The following DDX10 variants were observed in gnomAD, a reference collection of about 807,000 sequenced individuals.
DDX10 encodes probable ATP-dependent RNA helicase DDX10.
A neutral mutation model predicts 104.3 loss-of-function variants in DDX10; 74 were observed. The observed-to-expected ratio is 0.71, with a 90% confidence interval of 0.59 to 0.86. DDX10 has a LOEUF of 0.86. Ranked by LOEUF, DDX10 falls within the 40% of genes least tolerant of loss-of-function variation. The probability of loss-of-function intolerance (pLI) is 0.00; values close to 1 mark genes in which losing one functional copy is unlikely to be tolerated. For missense variants in DDX10, 952 were observed against 1,040.0 expected (o/e 0.92, Z 1.16); for synonymous variants, 351 against 353.4 (o/e 0.99, Z 0.08).
At chr11:108,921,919 C>G (rs1591126759) in intron 17 of DDX10, 1 of 151,468 alleles carries the variant, frequency 6.6e-6, no homozygotes, top group Non-Finnish European at 1.5e-5. Flanking sequence ...GATCGTGCCA[C>G]TGCACTCCAG....
rs549060006 is a variant in DDX10, at chr11:108,762,158, T to C, written c.1965+38696T>C. Among the ~76,000 whole-genome samples the C allele has an allele frequency of 2.0e-5, 3 of 152,292 alleles. No homozygotes were observed. In the East Asian group the frequency reaches 5.8e-4, roughly 29 times the overall value. ...GATGCCTTGGGGTATTTTTATTCTT[T>C]ATGGTTTGATATGATTCCCTTGTTA... On this transcript the variant is annotated intron_variant, in intron 13 of 17. Coordinates refer to ENST00000322536, the MANE Select transcript of DDX10 (RefSeq NM_004398.4).
rs749952754 is a variant in DDX10, at chr11:108,838,441, C to T, written c.1966-5C>T. On this transcript the variant is annotated splice_polypyrimidine_tract_variant and splice_region_variant and intron_variant, in intron 13 of 17. Coordinates refer to ENST00000322536, the MANE Select transcript of DDX10 (RefSeq NM_004398.4). ...CATCTGTGTTTTTTGTATGTTCTCA[C>T]ACAGAAGAAAGAACCTTCTAAATCC... 3.7e-6 allele frequency: 6 copies of T among 1,606,690 alleles called. No homozygotes were observed. The African/African-American group carries it at 5.4e-5, about 14-fold the overall frequency.
At chr11:108,840,931 A>G (rs1020016496) in intron 14 of DDX10, among the ~76,000 whole-genome samples, 1 of 152,200 alleles carries the variant, frequency 6.6e-6, no homozygotes, top group African/African-American at 2.4e-5. Flanking sequence ...ATGGAAGCCC[A>G]AAGGAGGTAC....
intron 13 of DDX10, among the ~76,000 whole-genome samples, chr11:108,793,935 T>C (rs1239935062): frequency 6.6e-6 from 1 of 152,166 alleles, no homozygotes; most frequent in Non-Finnish European, 1.5e-5. Context: ...ATATTTGTCT[T>C]TCTGTGCCTA....
intron 13 of DDX10, among the ~76,000 whole-genome samples, chr11:108,797,990 G>A (rs922945609): frequency 5.9e-5 from 9 of 152,234 alleles, no homozygotes; most frequent in Middle Eastern, 3.4e-3. Flanking sequence ...TCTCCTCTTC[G>A]AACTCAAACT....
At chr11:108,718,450 A>T (rs192308411) in intron 11 of DDX10, among the ~76,000 whole-genome samples, 19 of 152,306 alleles carry the variant, frequency 1.2e-4, no homozygotes, top group Non-Finnish European at 2.6e-4. Flanking sequence ...ACATCCTTCA[A>T]ACTTGCAGTT....
chr11:108,845,983 C>A (rs146622843), intron 15 of DDX10, among the ~76,000 whole-genome samples: 12 of 152,180 alleles, frequency 7.9e-5, no homozygotes, highest in Non-Finnish European at 1.3e-4. Context: ...CATACTATTA[C>A]ACCTGTCTTT....
intron 13 of DDX10, among the ~76,000 whole-genome samples, chr11:108,751,904 A>C (rs1299607803): frequency 6.6e-6 from 1 of 152,188 alleles, no homozygotes; most frequent in Non-Finnish European, 1.5e-5. Context: ...GGAAGGCTTT[A>C]AAGAGGTTAA....
intron 13 of DDX10, among the ~76,000 whole-genome samples, chr11:108,743,054 C>A (rs1180748004): frequency 2.0e-5 from 3 of 152,008 alleles, no homozygotes; most frequent in Non-Finnish European, 2.9e-5. Context: ...ATCCTGATAC[C>A]AAAAGCTGGT....
intron 17 of DDX10, among the ~76,000 whole-genome samples, chr11:108,928,281 C>T (rs1863933683): frequency 6.6e-6 from 1 of 152,184 alleles, no homozygotes; most frequent in Non-Finnish European, 1.5e-5. Flanking sequence ...GAATCAGTCT[C>T]TCTCCTTATG....
intron 12 of DDX10, 102 bp downstream of exon 12, chr11:108,719,987 C>G: frequency 2.6e-6 from 2 of 762,298 alleles, no homozygotes; most frequent in South Asian, 1.5e-5. Context: ...CAGGCTGTCT[C>G]AAACCCCTGT....
At chr11:108,797,138 A>G (rs1332791094) in intron 13 of DDX10, among the ~76,000 whole-genome samples, 3 of 151,894 alleles carry the variant, frequency 2.0e-5, no homozygotes, top group Non-Finnish European at 4.4e-5. Flanking sequence ...GGTTGAAGCA[A>G]TTCTCCTGCC....
At chr11:108,909,289 G>A (rs1863636516) in intron 16 of DDX10, among the ~76,000 whole-genome samples, 1 of 152,162 alleles carries the variant, frequency 6.6e-6, no homozygotes, top group Non-Finnish European at 1.5e-5. Flanking sequence ...TCATATGCTG[G>A]GACGGTGGCC....
At chr11:108,757,303 A>G (rs2094345633) in intron 13 of DDX10, among the ~76,000 whole-genome samples, 1 of 152,034 alleles carries the variant, frequency 6.6e-6, no homozygotes, top group Non-Finnish European at 1.5e-5. Flanking sequence ...ACTTTTGTGT[A>G]TCTGTCTGTG....
At chr11:108,752,647 A>G (rs570823224) in intron 13 of DDX10, among the ~76,000 whole-genome samples, 1 of 152,244 alleles carries the variant, frequency 6.6e-6, no homozygotes, top group South Asian at 2.1e-4. Context: ...AGATTGCCAC[A>G]TGCCATGTGG....
chr11:108,814,126 A>G (rs1862223520), intron 13 of DDX10, among the ~76,000 whole-genome samples: 1 of 152,076 alleles, frequency 6.6e-6, no homozygotes, highest in African/African-American at 2.4e-5. Flanking sequence ...CCAAAGCTTT[A>G]TTAGGAAGTA....
chr11:108,859,313 G>A (rs920352600), intron 16 of DDX10, among the ~76,000 whole-genome samples: 6 of 152,188 alleles, frequency 3.9e-5, no homozygotes, highest in Non-Finnish European at 8.8e-5. Context: ...GTCAGAATGT[G>A]TTTATTCTAA....
chr11:108,881,353 A>G (rs1229510270), intron 16 of DDX10, among the ~76,000 whole-genome samples: 1 of 152,224 alleles, frequency 6.6e-6, no homozygotes, highest in Non-Finnish European at 1.5e-5. Context: ...CAGTGTGATC[A>G]TAATGGCAAG....
chr11:108,759,414 T>G (rs1400443933), intron 13 of DDX10, among the ~76,000 whole-genome samples: 1 of 151,252 alleles, frequency 6.6e-6, no homozygotes, highest in Non-Finnish European at 1.5e-5. Context: ...GTGTTCCTAC[T>G]CTATTTGAAC....
Sources: gnomAD v4.1 joint callset for allele counts (sites outside exome capture counted in the v4.1 genomes callset) on GRCh38, gnomAD v4.1.1 for gene constraint, MANE v1.5 for transcripts, NCBI Gene and HGNC (gene_info 2026-07-23, HGNC 2026-07-21) for gene names.